The following HLA-DQA2 variants were observed in gnomAD, a reference collection of about 807,000 sequenced individuals.
The protein encoded by HLA-DQA2 is HLA class II histocompatibility antigen, DQ alpha 2 chain.
Under a neutral mutation model 21.0 loss-of-function variants are expected in HLA-DQA2, and 17 were observed. The ratio of observed to expected loss-of-function variants is 0.81; its 90% CI spans 0.56 to 1.22. The LOEUF (loss-of-function observed/expected upper bound fraction) is 1.22. Among genes scored for constraint, HLA-DQA2 ranks in the 50% most tolerant of loss-of-function variants. The pLI, the probability that HLA-DQA2 is intolerant of heterozygous loss-of-function variation, is 0.00. For synonymous variants in HLA-DQA2, 81 were observed against 116.5 expected, an observed-to-expected ratio of 0.70 and a Z score of 1.96; for missense variants, 239 against 308.8, an observed-to-expected ratio of 0.77 and a Z score of 1.69.
At chr6:32,745,123 T>C (rs772023073) in intron 1 of HLA-DQA2, 36 bp from the exon 2 acceptor site, 2 of 1,600,218 alleles carry the variant, frequency 1.2e-6, no homozygotes, top group East Asian at 2.2e-5. Flanking sequence ...TTTCTCCCTG[T>C]GTTCCACCCT....
intron 1 of HLA-DQA2, among the ~76,000 whole-genome samples, chr6:32,744,077 G>A (rs2113865456): frequency 6.6e-6 from 1 of 152,302 alleles, no homozygotes; most frequent in Non-Finnish European, 1.5e-5. Flanking sequence ...CCTCCTCACA[G>A]AATTCCCCAA....
chr6:32,741,605 A>G, intron 1 of HLA-DQA2, 80 bp downstream of exon 1: 1 of 1,298,442 alleles, frequency 7.7e-7, no homozygotes, highest in South Asian at 1.3e-5. Flanking sequence ...ATTTGCTAAG[A>G]AATAGTAGAA....
intron 1 of HLA-DQA2, 108 bp downstream of exon 1, chr6:32,741,633 T>A: frequency 9.3e-6 from 10 of 1,080,384 alleles, no homozygotes; most frequent in African/African-American, 1.6e-5. Flanking sequence ...AAGGGTCTTT[T>A]CAATATTAAG....
Position 32,746,235 on chromosome 6 carries a change from C to T in HLA-DQA2, c.614-5C>T. 1 of 1,613,112 alleles carries T rather than the reference C, an allele frequency of 6.2e-7. No individual in the cohort carries two copies. Among genetic ancestry groups the T allele is most frequent in the Non-Finnish European group, 8.5e-7 (1 of 1,180,028 alleles). On this transcript the variant is annotated splice_polypyrimidine_tract_variant and splice_region_variant and intron_variant, in intron 3 of 4. Coordinates refer to ENST00000374940, the MANE Select transcript of HLA-DQA2 (RefSeq NM_020056.5). ...ATTCTGACCTCAACAGCTCCACTTTCACAGAGCCTGAGATTCCAGCCCCTA... is the reference window on the plus strand; with the variant it reads ...ATTCTGACCTCAACAGCTCCACTTTTACAGAGCCTGAGATTCCAGCCCCTA...
rs200117788 is a variant in HLA-DQA2 at position 32,745,417 on chromosome 6, C to T, written c.331+10C>T. 1.2e-6 allele frequency: 2 copies of T among 1,608,398 alleles called. No individual in the cohort carries two copies. The highest frequency in any genetic ancestry group is 8.5e-7 in the Non-Finnish European group (1 of 1,176,986). The stretch of plus-strand genomic sequence containing the variant: ...ACCGCTGCCACCAATGGTACGTGTC[C>T]ACCATTCCGCCTCTCTTTACTGAAA... On this transcript the variant is annotated intron_variant, in intron 2 of 4. Transcript: ENST00000374940.
rs1337562425 is a variant in HLA-DQA2, at chr6:32,746,604, AG to A, written c.*44del. Reference sequence around the variant, plus strand: ...CAGGTGCATCACCATCTACAGGAGAAGAAGAATGGACTTGCTAAATGACCTA... The same window carrying A: ...CAGGTGCATCACCATCTACAGGAGAAAAGAATGGACTTGCTAAATGACCTA... On this transcript the variant is annotated 3_prime_UTR_variant, in exon 5 of 5. Transcript: ENST00000374940. 1.7e-6 allele frequency: 1 copy of A among 591,570 alleles called. No homozygotes were observed. Among genetic ancestry groups the A allele is most frequent in the Non-Finnish European group, 3.1e-6 (1 of 323,744 alleles). 36.6% of individuals were successfully genotyped at this position (591,570 alleles called of 1,614,324 possible). A position where few individuals can be genotyped will look rare whatever the true frequency, so the allele number is the denominator to read the frequency against.
At position 32,746,836 on chromosome 6, in the gene HLA-DQA2, A is replaced by G. The variant is rs1244347020; in HGVS notation, c.*275A>G. The G allele has an allele frequency of 5.5e-6, 2 of 366,024 alleles. No homozygotes were observed. Among genetic ancestry groups the G allele is most frequent in the Non-Finnish European group, 1.1e-5 (2 of 188,006 alleles). 22.7% of individuals were successfully genotyped at this position (366,024 alleles called of 1,614,324 possible). ...CCTGGGTAAGCCACTCAGCTACCTA[A>G]TTCCTCAATGACCTTTATCTAAAAT... On this transcript the variant is annotated 3_prime_UTR_variant, in exon 5 of 5. Transcript: ENST00000374940.
At chr6:32,746,478 G>T in intron 4 of HLA-DQA2, 64 bp downstream of exon 4, 1 of 1,585,064 alleles carries the variant, frequency 6.3e-7, no homozygotes. Context: ...GGAGGGGGTT[G>T]TGGACATGAA....
At chr6:32,746,446 C>T (rs1763605369) in intron 4 of HLA-DQA2, 32 bp downstream of exon 4, 5 of 1,444,298 alleles carry the variant, frequency 3.5e-6, no homozygotes, top group Non-Finnish European at 4.6e-6. Context: ...GCTGAAACCT[C>T]AGTATGAGAG....
In HLA-DQA2 at chr6:32,746,574, TG is replaced by T; in HGVS notation, c.*21-7del. Reference sequence around the variant, plus strand: ...AGACCCATCGATCTCATGTCTGTCCTGTTGCAGGTGCATCACCATCTACAGG... The same window carrying T: ...AGACCCATCGATCTCATGTCTGTCCTTTGCAGGTGCATCACCATCTACAGG... On this transcript the variant is annotated splice_polypyrimidine_tract_variant and splice_region_variant and intron_variant, in intron 4 of 4. Coordinates refer to ENST00000374940, the MANE Select transcript of HLA-DQA2 (RefSeq NM_020056.5). The T allele has an allele frequency of 1.3e-6, 1 of 792,842 alleles. No homozygotes were observed. Among genetic ancestry groups the T allele is most frequent in the South Asian group, 1.5e-5 (1 of 68,884 alleles). 49.1% of individuals were successfully genotyped at this position (792,842 alleles called of 1,614,324 possible).
In HLA-DQA2 at chr6:32,745,369, T is replaced by A. The variant is rs758449250; in HGVS notation, c.293T>A (p.Phe98Tyr). 1 of 1,608,310 alleles carries A rather than the reference T, an allele frequency of 6.2e-7. No individual in the cohort carries two copies. The highest frequency in any genetic ancestry group is 8.5e-7 in the Non-Finnish European group (1 of 1,177,574). ...GCTGTGGGAAAACACACCTTGGAAT[T>A]CATGATGAGACAGTCCAACTCTACC... ...NMAVGKHTLE[F>Y]MMRQSNSTAA... The change falls in exon 2 of 5, where the codon TTC (phenylalanine) becomes TAC (tyrosine). Residue 98 changes from phenylalanine to tyrosine, a missense_variant. Phe to Tyr is a conservative substitution (Grantham distance 22). Transcript: ENST00000374940.
intron 1 of HLA-DQA2, 142 bp downstream of exon 1, chr6:32,741,667 C>T (rs1763225431): frequency 2.6e-6 from 2 of 770,732 alleles, no homozygotes; most frequent in African/African-American, 1.7e-5. Context: ...ATGGCAGTTC[C>T]TCCTTTAGGA....
intron 1 of HLA-DQA2, among the ~76,000 whole-genome samples, chr6:32,742,121 A>G (rs1763251360): frequency 6.6e-6 from 1 of 152,148 alleles, no homozygotes; most frequent in African/African-American, 2.4e-5. Flanking sequence ...GCTACCTCAT[A>G]TATGTCACCT....
Position 32,741,414 on chromosome 6 carries a change from A to G in HLA-DQA2, c.-30A>G. 6.2e-7 allele frequency: 1 copy of G among 1,609,078 alleles called. No individual in the cohort carries two copies. Among genetic ancestry groups the G allele is most frequent in the Non-Finnish European group, 8.5e-7 (1 of 1,177,112 alleles). The stretch of plus-strand genomic sequence containing the variant: ...TCACAATTGCTCTACAGCTCAGAGC[A>G]GCAACTGCTGAGGCTGCCTTGGGAA... On this transcript the variant is annotated 5_prime_UTR_variant, in exon 1 of 5. Coordinates refer to ENST00000374940, the MANE Select transcript of HLA-DQA2 (RefSeq NM_020056.5).
At chr6:32,746,436 G>A in intron 4 of HLA-DQA2, 22 bp downstream of exon 4, 1 of 1,612,412 alleles carries the variant, frequency 6.2e-7, no homozygotes, top group South Asian at 1.1e-5. Flanking sequence ...ATTTGTTGGA[G>A]CTGAAACCTC....
Position 32,746,040 on chromosome 6 carries a change from G to A in HLA-DQA2, c.581G>A (p.Trp194Ter), listed in dbSNP as rs1173255678. Reference sequence around the variant, plus strand: ...ATTTATGACTGCAAGGTGGAGCACTGGGGCCTGGACGAGCCTCTTCTGAAA... The same window carrying A: ...ATTTATGACTGCAAGGTGGAGCACTAGGGCCTGGACGAGCCTCTTCTGAAA... The part of the protein sequence containing the change: ...DEIYDCKVEH[W>*]GLDEPLLKHW... Residue 194 changes from tryptophan (W) to a stop codon, truncating the protein, a stop_gained, in exon 3 of 5, where the codon TGG becomes TAG. Coordinates refer to ENST00000374940, the MANE Select transcript of HLA-DQA2 (RefSeq NM_020056.5). LOFTEE classifies it high-confidence loss of function. 1.2e-6 allele frequency: 2 copies of A among 1,611,738 alleles called. No homozygotes were observed. Among genetic ancestry groups the A allele is most frequent in the Non-Finnish European group, 1.7e-6 (2 of 1,179,588 alleles).
chr6:32,743,895 G>C (rs1341538528), intron 1 of HLA-DQA2, among the ~76,000 whole-genome samples: 1 of 152,140 alleles, frequency 6.6e-6, no homozygotes. Flanking sequence ...CTGCAAAGTT[G>C]TTAACTAAGT....
At chr6:32,742,080 T>A (rs2113858448) in intron 1 of HLA-DQA2, among the ~76,000 whole-genome samples, 1 of 152,352 alleles carries the variant, frequency 6.6e-6, no homozygotes, top group East Asian at 1.9e-4. Flanking sequence ...ACAATCATTT[T>A]ACCACGTGGT....
intron 1 of HLA-DQA2, among the ~76,000 whole-genome samples, chr6:32,742,869 C>CT (rs28993556): frequency 0.027 from 3,818 of 140,220 alleles, 128 homozygotes; most frequent in African/African-American, 0.076. Context: ...AATGTTTTAA[C>CT]TTTTTTTTTT....
Sources: allele counts gnomAD v4.1 joint callset (sites outside exome capture counted in the v4.1 genomes callset), GRCh38; gene constraint gnomAD v4.1.1; transcripts MANE v1.5; gene names NCBI Gene and HGNC (gene_info 2026-07-23, HGNC 2026-07-21).